Variants in AOPEP observed in about 807,000 individuals in gnomAD.
AOPEP encodes the protein aminopeptidase O (putative).
In AOPEP, 77 loss-of-function variants were observed where a neutral mutation model predicts 98.1. That is an observed-to-expected ratio of 0.78 (90% CI 0.65 to 0.95). The LOEUF is 0.95. Among genes scored for constraint, AOPEP ranks in the 40% least tolerant of loss-of-function variants. The pLI is 0.00. For synonymous variants in AOPEP, 346 were observed against 365.3 expected, an observed-to-expected ratio of 0.95 and a Z score of 0.60; for missense variants, 1,024 against 1,024.7, an observed-to-expected ratio of 1.00 and a Z score of 0.01.
the AOPEP span, chr9:95,110,744 G>C: frequency 4.4e-5 from 48 of 1,099,100 alleles, no homozygotes; most frequent in Non-Finnish European, 4.3e-5. Flanking sequence ...TCAGCATAGA[G>C]CACTGGCAGT....
At chr9:94,770,941 C>T (rs1384077960) in intron 2 of AOPEP, among the ~76,000 whole-genome samples, 3 of 152,216 alleles carry the variant, frequency 2.0e-5, no homozygotes, top group Non-Finnish European at 4.4e-5. Context: ...GGCTACTTCA[C>T]AGAAGTCTTC....
At chr9:94,814,672 C>T (rs372251313) in intron 5 of AOPEP, among the ~76,000 whole-genome samples, 123 of 152,298 alleles carry the variant, frequency 8.1e-4, no homozygotes, top group African/African-American at 2.8e-3. Flanking sequence ...CAGGATTAGT[C>T]CTCTCAAGAG....
rs143394003 is a variant in AOPEP at position 94,750,527 on chromosome 9, G to C, written c.-135-9122G>C. 1.1e-4 allele frequency among the ~76,000 whole-genome samples: 16 copies of C among 152,130 alleles called. No individual in the cohort carries two copies. The East Asian group carries it at 2.9e-3, about 28-fold the overall frequency. On this transcript the variant is annotated intron_variant, in intron 1 of 16. Transcript: ENST00000375315. ...TTGAACCTGAGAGGCAGAGGTTGCA[G>C]TGAGCCGAGATTGGGCCACTGCACT...
At chr9:95,111,256 G>T in the AOPEP span, 1 of 1,543,652 alleles carries the variant, frequency 6.5e-7, no homozygotes, top group Non-Finnish European at 8.7e-7. Context: ...GCAGCGTCTC[G>T]TCTCTGGCCA....
rs552952542 is a variant in AOPEP, at chr9:95,015,394, A to T, written c.2115+9778A>T. 6.6e-4 allele frequency among the ~76,000 whole-genome samples: 100 copies of T among 152,248 alleles called. 1 individual carries two copies. The highest frequency in any genetic ancestry group is 2.9e-4 in the Non-Finnish European group (20 of 68,046). ...AGACGATTTGGAAACCCAAGGCCAG[A>T]AATGTAATACTGTTGATTATTCTGT... On this transcript the variant is annotated intron_variant, in intron 13 of 16. Coordinates refer to ENST00000375315, the MANE Select transcript of AOPEP (RefSeq NM_001193329.3).
intron 13 of AOPEP, among the ~76,000 whole-genome samples, chr9:95,022,441 G>A (rs1180489693): frequency 4.6e-5 from 7 of 152,136 alleles, no homozygotes; most frequent in Non-Finnish European, 1.0e-4. Flanking sequence ...GGGTTCAAGC[G>A]ATTCTCCTGC....
intron 13 of AOPEP, among the ~76,000 whole-genome samples, chr9:95,006,972 G>A (rs1285163400): frequency 6.7e-6 from 1 of 150,220 alleles, no homozygotes; most frequent in Admixed American, 6.6e-5. Flanking sequence ...CGTGATCTCG[G>A]CTCATTGAAG....
At chr9:95,072,076 ACCAG>A (rs2068572347) in intron 14 of AOPEP, among the ~76,000 whole-genome samples, 1 of 152,204 alleles carries the variant, frequency 6.6e-6, no homozygotes, top group African/African-American at 2.4e-5. Flanking sequence ...GGGGATGAAC[ACCAG>A]TACACCACTG....
At chr9:94,778,503 A>G (rs1020720373) in intron 3 of AOPEP, among the ~76,000 whole-genome samples, 1 of 152,120 alleles carries the variant, frequency 6.6e-6, no homozygotes, top group African/African-American at 2.4e-5. Flanking sequence ...CACAAACATT[A>G]TGCTGAGTAA....
intron 13 of AOPEP, among the ~76,000 whole-genome samples, chr9:95,041,270 G>A (rs1392455355): frequency 6.6e-6 from 1 of 152,070 alleles, no homozygotes; most frequent in Admixed American, 6.6e-5. Context: ...AGAGTGACTT[G>A]CGCTTTAATC....
At chr9:94,975,123 C>T (rs1250737194) in intron 10 of AOPEP, among the ~76,000 whole-genome samples, 3 of 152,050 alleles carry the variant, frequency 2.0e-5, no homozygotes, top group Admixed American at 6.6e-5. Context: ...CCCGGTTACT[C>T]GGAAGGCTGA....
chr9:95,012,995 G>GGT (rs201601369), intron 13 of AOPEP, among the ~76,000 whole-genome samples: 1 of 135,320 alleles, frequency 7.4e-6, no homozygotes, highest in Non-Finnish European at 1.6e-5. Flanking sequence ...TTTGGGGGGG[G>GGT]GGGCAGGGCG....
intron 5 of AOPEP, among the ~76,000 whole-genome samples, chr9:94,808,949 C>T (rs1045553072): frequency 6.6e-6 from 1 of 152,232 alleles, no homozygotes; most frequent in Non-Finnish European, 1.5e-5. Flanking sequence ...AATGAGCCAG[C>T]TGCAGTTTTT....
chr9:94,994,635 A>T (rs890448438), intron 11 of AOPEP, among the ~76,000 whole-genome samples: 2 of 152,192 alleles, frequency 1.3e-5, no homozygotes, highest in African/African-American at 4.8e-5. Context: ...CCATGGTGGT[A>T]TCTTCAGAGA....
chr9:95,088,507 C>CCTCT (rs59531935), downstream of AOPEP, among the ~76,000 whole-genome samples: 1,752 of 149,036 alleles, frequency 0.012, 18 homozygotes, highest in Middle Eastern at 0.018. Flanking sequence ...CTGTACCCGG[C>CCTCT]CTCTCTCTCT....
chr9:95,097,252 G>A, the AOPEP span, among the ~76,000 whole-genome samples: 1 of 152,260 alleles, frequency 6.6e-6, no homozygotes, highest in Non-Finnish European at 1.5e-5. Flanking sequence ...ATAGGCTAAA[G>A]TATAGATGCT....
intron 1 of AOPEP, among the ~76,000 whole-genome samples, chr9:94,743,193 A>AGAAGAGGAACAAGAGGAAGAAGAG (rs61707177): frequency 3.3e-5 from 4 of 121,932 alleles, no homozygotes; most frequent in Non-Finnish European, 1.7e-5. Context: ...AAGAAGAAGA[A>AGAAGAGGAACAAGAGGAAGAAGAG]GAAGAAGAGG....
chr9:94,965,675 G>A (rs1283593061), intron 9 of AOPEP, among the ~76,000 whole-genome samples: 1 of 152,110 alleles, frequency 6.6e-6, no homozygotes, highest in Non-Finnish European at 1.5e-5. Context: ...CTATTGGGAG[G>A]CCTCAGTCTG....
chr9:94,876,452 A>G (rs2046957507), intron 5 of AOPEP, among the ~76,000 whole-genome samples: 1 of 147,794 alleles, frequency 6.8e-6, no homozygotes, highest in African/African-American at 2.5e-5. Flanking sequence ...TGCAAGCTCC[A>G]CCTCCTGGGT....
Sources: allele counts gnomAD v4.1 joint callset (sites outside exome capture counted in the v4.1 genomes callset), GRCh38; gene constraint gnomAD v4.1.1; transcripts MANE v1.5; gene names NCBI Gene and HGNC (gene_info 2026-07-23, HGNC 2026-07-21).